FMO5: variants seen among roughly 807,000 people sequenced by gnomAD.
FMO5 encodes flavin containing dimethylaniline monoxygenase 5.
In FMO5, 51 loss-of-function variants were observed where a neutral mutation model predicts 43.6. That is an observed-to-expected ratio of 1.17 (90% confidence interval 0.93 to 1.48). FMO5 has a LOEUF of 1.48. FMO5 is among the 40% of genes most tolerant of loss of function. The probability of loss-of-function intolerance (pLI) is 0.00; values close to 1 mark genes in which losing one functional copy is unlikely to be tolerated. For missense variants in FMO5, 644 were observed against 643.0 expected, an observed-to-expected ratio of 1.00 and a Z score of -0.02; for synonymous variants, 187 against 216.5, an observed-to-expected ratio of 0.86 and a Z score of 1.20.
intron 4 of FMO5, 65 bp downstream of exon 4, chr1:147,213,243 C>T: frequency 7.6e-7 from 1 of 1,317,276 alleles, no homozygotes; most frequent in Non-Finnish European, 1.0e-6. Flanking sequence ...CCACAATCCT[C>T]CCATTCCTCA....
intron 2 of FMO5, chr1:147,223,988 T>G: frequency 2.4e-6 from 1 of 419,088 alleles, no homozygotes; most frequent in Admixed American, 2.6e-5. Flanking sequence ...AATCACCACC[T>G]TGGTGGAGAA....
intron 6 of FMO5, chr1:147,204,963 C>A: frequency 5.9e-6 from 8 of 1,345,438 alleles, no homozygotes; most frequent in Non-Finnish European, 8.5e-6. Context: ...TTCACGTGAC[C>A]GCTCAGAAGA....
intron 5 of FMO5, among the ~76,000 whole-genome samples, chr1:147,212,178 T>C (rs587694869): frequency 2.6e-4 from 39 of 152,344 alleles, no homozygotes; most frequent in Admixed American, 5.9e-4. Flanking sequence ...GTGAGGCTAG[T>C]TGCACAATGG....
Position 147,191,413 on chromosome 1 carries a change from T to G in FMO5, c.1184-1164A>C, listed in dbSNP as rs587664961. The stretch of plus-strand genomic sequence containing the variant: ...AGATGGTATCCCATTGTGGTTTTGA[T>G]TTGCATTTCTCTGATGGCCAGCGAT... On this transcript the variant is annotated intron_variant, in intron 7 of 8. Transcript: ENST00000254090. 7.9e-5 allele frequency among the ~76,000 whole-genome samples: 12 copies of G among 152,292 alleles called. No homozygotes were observed. In the East Asian group the frequency reaches 2.3e-3, roughly 29 times the overall value.
chr1:147,185,876 A>C (rs1214122922), downstream of FMO5, among the ~76,000 whole-genome samples: 5 of 152,288 alleles, frequency 3.3e-5, no homozygotes, highest in Non-Finnish European at 7.4e-5. Context: ...TTTGCATTTC[A>C]TTTGCTCTGT....
At chr1:147,215,730 A>T (rs781950199) in intron 3 of FMO5, 24 bp downstream of exon 3, 3 of 1,542,600 alleles carry the variant, frequency 1.9e-6, no homozygotes, top group African/African-American at 2.8e-5. Flanking sequence ...CTTCAAACAC[A>T]AAGATACCCA....
intron 6 of FMO5, among the ~76,000 whole-genome samples, chr1:147,203,114 C>CTT (rs142319990): frequency 0.28 from 41,398 of 147,450 alleles, 5,947 homozygotes; most frequent in African/African-American, 0.35. Flanking sequence ...CAAAGGTTTC[C>CTT]TTTTTTTTTT....
At chr1:147,184,731 A>G (rs1553916732), downstream of FMO5, 4 of 1,295,194 alleles carry the variant, frequency 3.1e-6, no homozygotes, top group East Asian at 8.6e-5. The surrounding 1 kb of genome is among the most constrained non-coding windows in gnomAD (Gnocchi z 4.4). Flanking sequence ...TATTACTGTT[A>G]GTGTTAATCT....
At chr1:147,184,668 T>G, downstream of FMO5, 8 of 1,465,612 alleles carry the variant, frequency 5.5e-6, no homozygotes, top group Non-Finnish European at 7.2e-6. This position sits in a 1 kb window ranked among gnomAD's most constrained non-coding sequence, Gnocchi z 4.4. Flanking sequence ...AACAGAGAGG[T>G]AAAGTGGCCT....
intron 7 of FMO5, among the ~76,000 whole-genome samples, chr1:147,195,220 T>C (rs921601661): frequency 2.6e-5 from 4 of 152,168 alleles, no homozygotes; most frequent in Non-Finnish European, 5.9e-5. Flanking sequence ...TTTATTCTTT[T>C]TTCTCTAAAC....
At chr1:147,187,416 A>C (rs1553917430) in intron 8 of FMO5, among the ~76,000 whole-genome samples, 171 bp from the exon 9 acceptor site, 2 of 152,208 alleles carry the variant, frequency 1.3e-5, no homozygotes, top group Non-Finnish European at 2.9e-5. Flanking sequence ...AGGACTTACA[A>C]AAGGAGATAA....
In FMO5 at chr1:147,186,540, T is replaced by C. The variant is rs1439957207; in HGVS notation, c.*360A>G. On this transcript the variant is annotated 3_prime_UTR_variant, in exon 9 of 9. Coordinates refer to ENST00000254090, the MANE Select transcript of FMO5 (RefSeq NM_001461.4). ...GAGTTACGTGGAGTAAGCGATTTTA[T>C]ACCGATGCTGACTTACTCTCCCTAC... The C allele has an allele frequency of 3.8e-5, 38 of 1,006,580 alleles. No individual in the cohort carries two copies. Among genetic ancestry groups the C allele is most frequent in the Non-Finnish European group, 4.5e-5 (38 of 844,260 alleles). 62.4% of individuals were successfully genotyped at this position (1,006,580 alleles called of 1,614,324 possible). A position where few individuals can be genotyped will look rare whatever the true frequency, so the allele number is the denominator to read the frequency against.
rs587636509 is a variant in FMO5 at position 147,223,924 on chromosome 1, C to A, written c.135+971G>T. Reference sequence around the variant, plus strand: ...CCTGGACTGAGAAGAAAGCTGCTAGCAAAGGGGATACCCCCATCGAGACAC... The same window carrying A: ...CCTGGACTGAGAAGAAAGCTGCTAGAAAAGGGGATACCCCCATCGAGACAC... On this transcript the variant is annotated intron_variant, in intron 2 of 8. Transcript: ENST00000254090. The A allele has an allele frequency of 4.9e-5, 18 of 368,228 alleles. No individual in the cohort carries two copies. In the East Asian group the frequency reaches 1.5e-3, roughly 31 times the overall value. 22.8% of individuals were successfully genotyped at this position (368,228 alleles called of 1,614,324 possible). A position where few individuals can be genotyped will look rare whatever the true frequency, so the allele number is the denominator to read the frequency against.
At chr1:147,212,618 C>T in intron 4 of FMO5, 83 bp from the exon 5 acceptor site, 1 of 1,332,436 alleles carries the variant, frequency 7.5e-7, no homozygotes, top group East Asian at 2.3e-5. Context: ...TTTTTGCAGA[C>T]TTAAGTTTAA....
In FMO5 at chr1:147,194,659, C is replaced by T. The variant is rs1333678027; in HGVS notation, c.1184-4410G>A. On this transcript the variant is annotated intron_variant, in intron 7 of 8. Coordinates refer to ENST00000254090, the MANE Select transcript of FMO5 (RefSeq NM_001461.4). The stretch of plus-strand genomic sequence containing the variant: ...AGTGGCTGGTACCGGTTGTTCCTTT[C>T]CATGTTTAGTGCTTCCTTCAGGAGC... Among the ~76,000 whole-genome samples, 5 of 152,194 alleles carry T rather than the reference C, an allele frequency of 3.3e-5. No individual in the cohort carries two copies. The East Asian group carries it at 9.6e-4, about 29-fold the overall frequency.
rs1553927282 is a variant in FMO5 at position 147,224,990 on chromosome 1, T to A, written c.40A>T (p.Ser14Cys). 6.2e-7 allele frequency: 1 copy of A among 1,613,890 alleles called. No individual in the cohort carries two copies. The highest frequency in any genetic ancestry group is 1.7e-5 in the Admixed American group (1 of 59,998). The change falls in exon 2 of 9, where the codon AGC becomes TGC. Residue 14 changes from serine (S) to cysteine (C), a missense_variant. Physicochemically the swap from Ser to Cys is moderately radical, Grantham distance 112. Coordinates refer to ENST00000254090, the MANE Select transcript of FMO5 (RefSeq NM_001461.4). ...KRIAVIGGGV[S>C]GLSSIKCCVE... is the part of the protein sequence containing the mutation. ...CAGCACTTGATGGAAGAGAGCCCGCTCACTCCTCCCCCAATCACAGCAATT... is the reference window on the plus strand; with the variant it reads ...CAGCACTTGATGGAAGAGAGCCCGCACACTCCTCCCCCAATCACAGCAATT...
chr1:147,221,502 A>T (rs188221536), intron 2 of FMO5, among the ~76,000 whole-genome samples: 1 of 152,354 alleles, frequency 6.6e-6, no homozygotes, highest in Admixed American at 6.5e-5. Context: ...ATGAATGGCA[A>T]GGTCATTTTG....
intron 2 of FMO5, among the ~76,000 whole-genome samples, chr1:147,217,096 C>T (rs1311617639): frequency 2.0e-5 from 3 of 151,918 alleles, no homozygotes; most frequent in Admixed American, 6.6e-5. Flanking sequence ...CAAAATTAGC[C>T]GGGCGTGGTG....
At position 147,215,659 on chromosome 1, in the gene FMO5, C is replaced by G. The variant is rs368229124; in HGVS notation, c.324+95G>C. ...AGGATAAATACATGTGCAAATCAAGCCAATCTTTAGAAGTAAACATTGGTA... is the reference window on the plus strand; with the variant it reads ...AGGATAAATACATGTGCAAATCAAGGCAATCTTTAGAAGTAAACATTGGTA... On this transcript the variant is annotated intron_variant, in intron 3 of 8. Coordinates refer to ENST00000254090, the MANE Select transcript of FMO5 (RefSeq NM_001461.4). 1.9e-5 allele frequency: 17 copies of G among 897,102 alleles called. 1 individual carries two copies. In the South Asian group the frequency reaches 2.8e-4, roughly 15 times the overall value. The allele number at this position is 897,102 out of a possible 1,614,324, so 55.6% of individuals were successfully genotyped here. A position where few individuals can be genotyped will look rare whatever the true frequency, so the allele number is the denominator to read the frequency against.
Sources: gnomAD v4.1 joint callset for allele counts (sites outside exome capture counted in the v4.1 genomes callset) on GRCh38, gnomAD v4.1.1 for gene constraint, Gnocchi (gnomAD v3.1) non-coding constraint, MANE v1.5 for transcripts, NCBI Gene and HGNC (gene_info 2026-07-23, HGNC 2026-07-21) for gene names.